The following TTBK2 variants were observed in gnomAD, a reference collection of about 807,000 sequenced individuals.
TTBK2 encodes the protein tau tubulin kinase 2.
Under a neutral mutation model 110.8 loss-of-function variants are expected in TTBK2, and 28 were observed. That is an observed-to-expected ratio of 0.25 (90% CI 0.19 to 0.35). The LOEUF is 0.35. TTBK2 is among the 10% of genes least tolerant of loss of function. TTBK2 has a pLI of 1.00. For synonymous variants in TTBK2, 532 were observed against 527.3 expected (o/e 1.01, Z -0.12); for missense variants, 1,369 against 1,500.3 (o/e 0.91, Z 1.45).
In TTBK2 at chr15:42,783,465, T is replaced by C. The variant is rs776906588; in HGVS notation, c.1151A>G (p.Glu384Gly). The change falls in exon 11 of 15, where the codon GAA (glutamate) becomes GGA (glycine). Residue 384 changes from glutamate (E) to glycine (G), a missense_variant. Physicochemically the swap from Glu to Gly is moderately conservative, Grantham distance 98. Around this residue, in one of 4 missense-constraint regions of TTBK2, gnomAD observed 1,097 missense variants for 1,114.7 expected, o/e 0.98. Coordinates refer to ENST00000267890, the MANE Select transcript of TTBK2 (RefSeq NM_173500.4). ...CTTGTTTTTGTTGGCATCCATCTCT[T>C]CCCAAACATCCTTCTCCTGGGGACG... ...HPRPQEKDVWEEMDANKNKIK... is the reference protein window; with the variant it reads ...HPRPQEKDVWGEMDANKNKIK... 3 of 1,614,052 alleles carry C rather than the reference T, an allele frequency of 1.9e-6. No individual in the cohort carries two copies. The highest frequency in any genetic ancestry group is 1.1e-5 in the South Asian group (1 of 91,086).
chr15:42,794,812 A>C lies in TTBK2; in HGVS notation c.823-11T>G, dbSNP rs753903156. ...CACGGATGTAAGAAGCTAAACCACA[A>C]AGAAAAAAACTAGAGTAAGTGAACA... On this transcript the variant is annotated splice_polypyrimidine_tract_variant and intron_variant, in intron 9 of 14. Transcript: ENST00000267890. 1 of 1,614,016 alleles carries C rather than the reference A, an allele frequency of 6.2e-7. No individual in the cohort carries two copies.
upstream of TTBK2, chr15:42,920,824 C>G (rs1288238257): frequency 6.5e-6 from 1 of 153,018 alleles, no homozygotes; most frequent in East Asian, 1.9e-4. Context: ...CCTCGTAACC[C>G]GACACAGCCT....
At chr15:42,864,872 A>C (rs1383284115) in intron 3 of TTBK2, among the ~76,000 whole-genome samples, 3 of 152,216 alleles carry the variant, frequency 2.0e-5, no homozygotes, top group Non-Finnish European at 4.4e-5. Flanking sequence ...GCTCAAAATA[A>C]CAATAGCAAC....
intron 1 of TTBK2, among the ~76,000 whole-genome samples, chr15:42,891,615 T>C (rs1419555742): frequency 1.3e-5 from 2 of 152,180 alleles, no homozygotes; most frequent in Admixed American, 1.3e-4. Context: ...TGGTGTACCC[T>C]GGCTCCACAA....
intron 1 of TTBK2, among the ~76,000 whole-genome samples, chr15:42,902,867 T>C (rs868538368): frequency 6.6e-6 from 1 of 151,934 alleles, no homozygotes; most frequent in Middle Eastern, 3.4e-3. Flanking sequence ...GCCATGCACC[T>C]GTAATCCCAG....
chr15:42,842,996 A>G (rs140430574), intron 3 of TTBK2, among the ~76,000 whole-genome samples: 1 of 152,338 alleles, frequency 6.6e-6, no homozygotes, highest in Non-Finnish European at 1.5e-5. Flanking sequence ...CTCCAGCTTC[A>G]AAGAAACAAT....
chr15:42,917,217 TA>T (rs2031127372), intron 1 of TTBK2, among the ~76,000 whole-genome samples: 2 of 151,438 alleles, frequency 1.3e-5, no homozygotes, highest in African/African-American at 4.9e-5. Flanking sequence ...CCAAGGATTA[TA>T]GAGACAAAGG....
intron 10 of TTBK2, 110 bp downstream of exon 10, chr15:42,794,534 T>C: frequency 6.8e-7 from 1 of 1,471,108 alleles, no homozygotes; most frequent in Non-Finnish European, 9.5e-7. Context: ...TCCACAGGCT[T>C]TCCCGGATGT....
intron 9 of TTBK2, chr15:42,801,748 C>G (rs780121529): frequency 2.4e-6 from 2 of 826,318 alleles, no homozygotes; most frequent in Non-Finnish European, 4.3e-6. Flanking sequence ...CCTGAGGAAG[C>G]TGATCTTGGC....
At chr15:42,838,644 C>T (rs1000700545) in intron 4 of TTBK2, among the ~76,000 whole-genome samples, 4 of 151,938 alleles carry the variant, frequency 2.6e-5, no homozygotes, top group African/African-American at 9.7e-5. Context: ...GATGAAATCC[C>T]ATCTCTACTA....
intron 7 of TTBK2, among the ~76,000 whole-genome samples, chr15:42,815,578 C>T (rs1275044258): frequency 3.3e-5 from 5 of 151,628 alleles, no homozygotes; most frequent in African/African-American, 9.7e-5. Context: ...AAAAAGTCAG[C>T]GCAGAACAAA....
Position 42,882,218 on chromosome 15 carries a change from AACAC to A in TTBK2, c.-67-3538_-67-3535del, listed in dbSNP as rs374173638. Among the ~76,000 whole-genome samples, 241 of 150,918 alleles carry A rather than the reference AACAC, an allele frequency of 1.6e-3. 2 individuals are homozygous for A. Among genetic ancestry groups the A allele is most frequent in the African/African-American group, 5.5e-3 (225 of 41,264 alleles). ...GAAGCTGACTGAATACAATAAGCACAACACACACACACACACAAAAACAACTCTT... is the reference window on the plus strand; with the variant it reads ...GAAGCTGACTGAATACAATAAGCACAACACACACACACAAAAACAACTCTT... On this transcript the variant is annotated intron_variant, in intron 1 of 14. Coordinates refer to ENST00000267890, the MANE Select transcript of TTBK2 (RefSeq NM_173500.4).
chr15:42,853,079 G>A (rs1263728382), intron 3 of TTBK2, among the ~76,000 whole-genome samples: 1 of 152,166 alleles, frequency 6.6e-6, no homozygotes, highest in Non-Finnish European at 1.5e-5. Context: ...GGAAAAAGGA[G>A]CAGTCATACT....
chr15:42,884,773 G>A lies in TTBK2; in HGVS notation c.-67-6089C>T, dbSNP rs948578971. On this transcript the variant is annotated intron_variant, in intron 1 of 14. Coordinates refer to ENST00000267890, the MANE Select transcript of TTBK2 (RefSeq NM_173500.4). The stretch of plus-strand genomic sequence containing the variant: ...AAACTAATAAGTGTCAGGCCTCTGA[G>A]CCCAAGCTAAGCCATCATATCCCCT... 9.2e-5 allele frequency among the ~76,000 whole-genome samples: 14 copies of A among 152,278 alleles called. No homozygotes were observed. The East Asian group carries it at 1.4e-3, about 15-fold the overall frequency.
intron 9 of TTBK2, among the ~76,000 whole-genome samples, chr15:42,800,731 T>C (rs1595923873): frequency 6.6e-6 from 1 of 152,212 alleles, no homozygotes; most frequent in South Asian, 2.1e-4. Flanking sequence ...AGTCTTTTTT[T>C]TTGGCAGAGC....
chr15:42,821,036 G>T (rs2140960123), intron 6 of TTBK2, among the ~76,000 whole-genome samples: 1 of 149,550 alleles, frequency 6.7e-6, no homozygotes, highest in Non-Finnish European at 1.5e-5. Context: ...GTGAGACTTT[G>T]TCTAAAAGAA....
At chr15:42,903,021 G>A (rs958963969) in intron 1 of TTBK2, among the ~76,000 whole-genome samples, 8 of 151,608 alleles carry the variant, frequency 5.3e-5, no homozygotes, top group Non-Finnish European at 7.4e-5. Flanking sequence ...GAAAGAAAGG[G>A]AATTCTTTTT....
At chr15:42,763,100 A>ATG (rs2062057156) in intron 13 of TTBK2, among the ~76,000 whole-genome samples, 1 of 120,178 alleles carries the variant, frequency 8.3e-6, no homozygotes, top group African/African-American at 3.8e-5. Context: ...ATATATATAT[A>ATG]TACGTATATA....
chr15:42,914,864 T>G (rs1350985648), intron 1 of TTBK2, among the ~76,000 whole-genome samples: 1 of 152,232 alleles, frequency 6.6e-6, no homozygotes, highest in Non-Finnish European at 1.5e-5. Flanking sequence ...GTTAGGTCTG[T>G]TAAATGCTCA....
Sources: gnomAD v4.1 joint callset for allele counts (sites outside exome capture counted in the v4.1 genomes callset) on GRCh38, gnomAD v4.1.1 for gene constraint, gnomAD v4.1.1 regional missense constraint, MANE v1.5 for transcripts, NCBI Gene and HGNC (gene_info 2026-07-23, HGNC 2026-07-21) for gene names.